Variants in SSMEM1 observed in about 807,000 individuals in gnomAD.
SSMEM1 encodes the protein serine rich single-pass membrane protein 1, also known as serine-rich single-pass membrane protein 1.
Under a neutral mutation model 9.9 loss-of-function variants are expected in SSMEM1, and 12 were observed. The ratio of observed to expected loss-of-function variants is 1.21; its 90% CI spans 0.78 to 1.96. The LOEUF is 1.96. Ranked by LOEUF, SSMEM1 falls within the 30% of genes most tolerant of loss-of-function variation. The pLI, the probability that SSMEM1 is intolerant of heterozygous loss-of-function variation, is 0.00. For synonymous variants in SSMEM1, 96 were observed against 98.9 expected, an observed-to-expected ratio of 0.97 and a Z score of 0.17; for missense variants, 259 against 292.2, an observed-to-expected ratio of 0.89 and a Z score of 0.83.
intron 2 of SSMEM1, 117 bp downstream of exon 2, chr7:130,213,651 A>T: frequency 4.5e-6 from 2 of 440,234 alleles, no homozygotes; most frequent in Non-Finnish European, 7.7e-6. Flanking sequence ...TGAGCTAAGC[A>T]GTTCAAGACC....
chr7:130,209,839 A>G (rs371163989), intron 1 of SSMEM1, among the ~76,000 whole-genome samples: 10 of 152,166 alleles, frequency 6.6e-5, no homozygotes, highest in African/African-American at 2.4e-4. Flanking sequence ...CGGCCTCCCA[A>G]AGTGCTGGCA....
At chr7:130,206,142 G>C (rs1015868194), upstream of SSMEM1, among the ~76,000 whole-genome samples, 5 of 152,190 alleles carry the variant, frequency 3.3e-5, no homozygotes, top group South Asian at 2.1e-4. Context: ...CTGAGGAAAA[G>C]GTTGAGCTTT....
intron 1 of SSMEM1, among the ~76,000 whole-genome samples, chr7:130,210,678 C>A (rs896618149): frequency 6.6e-6 from 1 of 152,190 alleles, no homozygotes; most frequent in Non-Finnish European, 1.5e-5. Flanking sequence ...GAGCCACGGC[C>A]CACATTTTCT....
chr7:130,211,361 G>A (rs192587359), intron 1 of SSMEM1, among the ~76,000 whole-genome samples: 230 of 151,986 alleles, frequency 1.5e-3, no homozygotes, highest in African/African-American at 5.1e-3. Context: ...GGGTTTCACC[G>A]TGTTAGCCAG....
rs375103737 is a variant in SSMEM1, at chr7:130,213,520, C to G, written c.224C>G (p.Thr75Ser). 1.8e-5 allele frequency: 29 copies of G among 1,611,442 alleles called. 1 individual carries two copies. In the African/African-American group the frequency reaches 3.5e-4, roughly 19 times the overall value. ...DKKDEGSGTSTSVRKASKETS... is the reference protein window; with the variant it reads ...DKKDEGSGTSSSVRKASKETS... ...AAGGATGAAGGCAGTGGGACAAGTA[C>G]TTCAGTAAGGAAAGGTGAGAACCAG... The change falls in exon 2 of 3, where the codon ACT (threonine) becomes AGT (serine). Residue 75 changes from threonine (T) to serine (S), a missense_variant. Coordinates refer to ENST00000297819, the MANE Select transcript of SSMEM1 (RefSeq NM_145268.4).
Position 130,208,102 on chromosome 7 carries a change from T to C in SSMEM1, c.183+9T>C, listed in dbSNP as rs1798522956. The C allele has an allele frequency of 3.1e-6, 5 of 1,588,346 alleles. No individual in the cohort carries two copies. Among genetic ancestry groups the C allele is most frequent in the Non-Finnish European group, 4.3e-6 (5 of 1,171,828 alleles). ...CTAGGGCTTCTGTCTGGGTAGGATATCTTTTTTTCATTTTAAATAATATGT... is the reference window on the plus strand; with the variant it reads ...CTAGGGCTTCTGTCTGGGTAGGATACCTTTTTTTCATTTTAAATAATATGT... On this transcript the variant is annotated intron_variant, in intron 1 of 2. Transcript: ENST00000297819.
chr7:130,212,898 A>G (rs183028138), intron 1 of SSMEM1, among the ~76,000 whole-genome samples: 11 of 152,272 alleles, frequency 7.2e-5, no homozygotes, highest in African/African-American at 2.6e-4. Flanking sequence ...AGTCTGTTCC[A>G]TTTTGTTTGG....
intron 1 of SSMEM1, among the ~76,000 whole-genome samples, chr7:130,211,359 C>T (rs551348025): frequency 3.9e-4 from 59 of 152,164 alleles, no homozygotes; most frequent in African/African-American, 1.3e-3. Context: ...CAGGGTTTCA[C>T]CGTGTTAGCC....
intron 1 of SSMEM1, 45 bp from the exon 2 acceptor site, chr7:130,213,435 A>G (rs755504963): frequency 1.3e-6 from 2 of 1,565,172 alleles, no homozygotes; most frequent in Non-Finnish European, 1.8e-6. Context: ...CATATTATCA[A>G]AAAACAACTG....
At chr7:130,206,568 A>G (rs550753825), upstream of SSMEM1, among the ~76,000 whole-genome samples, 51 of 152,340 alleles carry the variant, frequency 3.3e-4, 1 homozygote, top group South Asian at 8.3e-4. Context: ...TGTGCTCTTG[A>G]AGAGCTGTTA....
At chr7:130,211,727 A>G (rs1041149523) in intron 1 of SSMEM1, among the ~76,000 whole-genome samples, 1 of 152,210 alleles carries the variant, frequency 6.6e-6, no homozygotes, top group African/African-American at 2.4e-5. Flanking sequence ...AGTCCATTTC[A>G]CCACTTAAAG....
upstream of SSMEM1, chr7:130,207,714 C>T: frequency 1.4e-6 from 1 of 697,512 alleles, no homozygotes; most frequent in Non-Finnish European, 2.6e-6. Flanking sequence ...ATAACATAAA[C>T]ATTCAGAGGA....
chr7:130,213,589 G>A (rs375876001), intron 2 of SSMEM1, 55 bp downstream of exon 2: 289 of 1,484,924 alleles, frequency 1.9e-4, no homozygotes, highest in Non-Finnish European at 2.4e-4. Context: ...TATGTGTGGT[G>A]TTGCATGCCT....
chr7:130,211,908 C>T (rs1047405828), intron 1 of SSMEM1, among the ~76,000 whole-genome samples: 1 of 152,080 alleles, frequency 6.6e-6, no homozygotes, highest in Non-Finnish European at 1.5e-5. Context: ...AATTTTACAA[C>T]TGTTTATTAT....
chr7:130,214,342 T>G (rs1798662559), intron 2 of SSMEM1, among the ~76,000 whole-genome samples: 2 of 151,978 alleles, frequency 1.3e-5, no homozygotes. Context: ...AGCCCAGGAG[T>G]TCGAGGCTGC....
intron 2 of SSMEM1, among the ~76,000 whole-genome samples, 176 bp downstream of exon 2, chr7:130,213,710 A>AAAAAGAAAAG (rs1554382344): frequency 1.7e-5 from 2 of 119,384 alleles, no homozygotes; most frequent in South Asian, 2.9e-4. Flanking sequence ...AAAAAAAAAA[A>AAAAAGAAAAG]AAAAGAAAAG....
chr7:130,210,812 T>A (rs571335768), intron 1 of SSMEM1, among the ~76,000 whole-genome samples: 24 of 152,216 alleles, frequency 1.6e-4, no homozygotes, highest in Non-Finnish European at 3.1e-4. Context: ...AAATCTTTCT[T>A]TTGATTTTGT....
intron 2 of SSMEM1, among the ~76,000 whole-genome samples, chr7:130,215,011 A>G (rs887595978): frequency 2.6e-5 from 4 of 152,174 alleles, no homozygotes; most frequent in South Asian, 2.1e-4. Context: ...CACCCTTAAC[A>G]TAGAATTTCC....
Position 130,216,100 on chromosome 7 carries a change from C to T in SSMEM1, c.365C>T (p.Ala122Val), listed in dbSNP as rs1446460169. The change falls in exon 3 of 3, where the codon GCC becomes GTC. Residue 122 changes from alanine to valine, a missense_variant. Transcript: ENST00000297819. ...AACTCAGAAGTGGCTTTGGTCAATGCCTATCCTGAACAAAGACGAGCCAGG... is the reference window on the plus strand; with the variant it reads ...AACTCAGAAGTGGCTTTGGTCAATGTCTATCCTGAACAAAGACGAGCCAGG... ...VTNSEVALVNAYPEQRRARRQ... is the reference protein window; with the variant it reads ...VTNSEVALVNVYPEQRRARRQ... The T allele has an allele frequency of 3.1e-6, 5 of 1,614,154 alleles. No homozygotes were observed. Among genetic ancestry groups the T allele is most frequent in the Non-Finnish European group, 4.2e-6 (5 of 1,180,028 alleles).
Sources: gnomAD v4.1 joint callset for allele counts (sites outside exome capture counted in the v4.1 genomes callset) on GRCh38, gnomAD v4.1.1 for gene constraint, MANE v1.5 for transcripts, NCBI Gene and HGNC (gene_info 2026-07-23, HGNC 2026-07-21) for gene names.